The following LRRFIP1 variants were observed in gnomAD, a reference collection of about 807,000 sequenced individuals.
The protein encoded by LRRFIP1 is LRR binding FLII interacting protein 1.
Under a neutral mutation model 104.4 loss-of-function variants are expected in LRRFIP1, and 62 were observed. That is an observed-to-expected ratio of 0.59 (90% CI 0.48 to 0.73). LRRFIP1 has a LOEUF of 0.73. Ranked by LOEUF, LRRFIP1 falls within the 30% of genes least tolerant of loss-of-function variation. LRRFIP1 has a pLI of 0.00. For synonymous variants in LRRFIP1, 300 were observed against 299.0 expected (o/e 1.00, Z -0.03); for missense variants, 796 against 824.5 (o/e 0.97, Z 0.42).
intron 1 of LRRFIP1, among the ~76,000 whole-genome samples, chr2:237,693,281 G>A (rs2092940426): frequency 6.6e-6 from 1 of 152,226 alleles, no homozygotes; most frequent in Non-Finnish European, 1.5e-5. Context: ...GTGGGATCTT[G>A]GTAAAAGTAT....
chr2:237,659,260 AT>A (rs58381606), intron 1 of LRRFIP1, among the ~76,000 whole-genome samples: 1 of 150,972 alleles, frequency 6.6e-6, no homozygotes. Flanking sequence ...CACTCGGCAA[AT>A]TTTTTTTTAT....
At chr2:237,743,042 A>C (rs59791790) in intron 11 of LRRFIP1, among the ~76,000 whole-genome samples, 3,376 of 152,052 alleles carry the variant, frequency 0.022, 141 homozygotes, top group African/African-American at 0.077. Context: ...CAAAAAAAAA[A>C]CATATGGTTA....
intron 1 of LRRFIP1, among the ~76,000 whole-genome samples, chr2:237,646,543 A>G (rs1259517072): frequency 6.6e-6 from 1 of 151,994 alleles, no homozygotes; most frequent in African/African-American, 2.4e-5. Context: ...TTGCCCCCAC[A>G]AGCCCGCATT....
At position 237,649,378 on chromosome 2, in the gene LRRFIP1, A is replaced by G. The variant is rs1408854836; in HGVS notation, c.96+21638A>G. Among the ~76,000 whole-genome samples, 3 of 151,962 alleles carry G rather than the reference A, an allele frequency of 2.0e-5. No individual in the cohort carries two copies. Among genetic ancestry groups the G allele is most frequent in the African/African-American group, 7.2e-5 (3 of 41,438 alleles). Reference sequence around the variant, plus strand: ...AACCCCATCTCTACTAAAAACACAAAAAATTAGCCAGGCATAGTGGTGGGT... The same window carrying G: ...AACCCCATCTCTACTAAAAACACAAGAAATTAGCCAGGCATAGTGGTGGGT... On this transcript the variant is annotated intron_variant, in intron 1 of 23. Transcript: ENST00000308482. This position sits in a 1 kb window ranked among gnomAD's most constrained non-coding sequence, Gnocchi z 4.1.
chr2:237,692,469 C>T (rs1250094715), intron 1 of LRRFIP1: 5 of 1,531,640 alleles, frequency 3.3e-6, no homozygotes, highest in Non-Finnish European at 4.4e-6. Context: ...ACCAGCCCCG[C>T]GGCCGCTCAA....
intron 19 of LRRFIP1, chr2:237,763,182 A>G: frequency 6.2e-7 from 1 of 1,614,238 alleles, no homozygotes; most frequent in Non-Finnish European, 8.5e-7. Flanking sequence ...GTTCCAGCGC[A>G]CAGTACAGAA....
In LRRFIP1 at chr2:237,761,386, G is replaced by A. The variant is rs561488287; in HGVS notation, c.1459+1181G>A. ...GATAGGTATGTAGTATCTATATACC[G>A]TTGTTGAGAAAAGATAAATTAATCA... is the stretch of plus-strand genomic sequence containing the variant. On this transcript the variant is annotated intron_variant, in intron 19 of 23. Coordinates refer to ENST00000308482, the MANE Select transcript of LRRFIP1 (RefSeq NM_001137550.2). Among the ~76,000 whole-genome samples, 8 of 152,284 alleles carry A rather than the reference G, an allele frequency of 5.3e-5. No homozygotes were observed. In the South Asian group the frequency reaches 1.2e-3, roughly 24 times the overall value.
In LRRFIP1 at chr2:237,760,158, C is replaced by T. The variant is rs2059707022; in HGVS notation, c.1412C>T (p.Thr471Ile). 1.2e-6 allele frequency: 2 copies of T among 1,613,958 alleles called. No homozygotes were observed. Among genetic ancestry groups the T allele is most frequent in the Non-Finnish European group, 1.7e-6 (2 of 1,179,994 alleles). The change falls in exon 19 of 24, where the codon ACA (threonine) becomes ATA (isoleucine). Residue 471 changes from threonine to isoleucine, a missense_variant. Physicochemically the swap from Thr to Ile is moderately conservative, Grantham distance 89. Transcript: ENST00000308482. Reference sequence around the variant, plus strand: ...GGATACCAAGGTCCTACCAAGATGACAAAAGAAGAGTTAAATGCCCTCAAG... The same window carrying T: ...GGATACCAAGGTCCTACCAAGATGATAAAAGAAGAGTTAAATGCCCTCAAG... ...NVGYQGPTKM[T>I]KEELNALKST... is the part of the protein sequence containing the mutation.
At chr2:237,733,538 C>G (rs1257411282) in intron 8 of LRRFIP1, among the ~76,000 whole-genome samples, 1 of 152,186 alleles carries the variant, frequency 6.6e-6, no homozygotes, top group Non-Finnish European at 1.5e-5. Flanking sequence ...TTTAAAGATG[C>G]TGGGAAGTTT....
At chr2:237,688,821 T>G (rs2092577788) in intron 1 of LRRFIP1, among the ~76,000 whole-genome samples, 2 of 151,878 alleles carry the variant, frequency 1.3e-5, no homozygotes, top group African/African-American at 4.8e-5. Flanking sequence ...CAAGGTGCCC[T>G]CGGGGTTTTA....
chr2:237,693,670 G>A (rs1032036384), intron 1 of LRRFIP1, among the ~76,000 whole-genome samples: 1 of 152,154 alleles, frequency 6.6e-6, no homozygotes, highest in Non-Finnish European at 1.5e-5. Context: ...GTGGTTGAGC[G>A]GTGCCAGTGT....
intron 8 of LRRFIP1, among the ~76,000 whole-genome samples, chr2:237,732,843 G>T (rs2095071633): frequency 6.6e-6 from 1 of 152,188 alleles, no homozygotes; most frequent in South Asian, 2.1e-4. Context: ...CTGAGAAGTG[G>T]ACAGAACAGT....
At chr2:237,696,325 C>T (rs764617631) in intron 1 of LRRFIP1, among the ~76,000 whole-genome samples, 1 of 152,128 alleles carries the variant, frequency 6.6e-6, no homozygotes, top group Non-Finnish European at 1.5e-5. Flanking sequence ...TGGGCTTTCC[C>T]TGTGGGTTGA....
chr2:237,770,100 A>G, intron 20 of LRRFIP1, 108 bp downstream of exon 20: 1 of 866,240 alleles, frequency 1.2e-6, no homozygotes, highest in Non-Finnish European at 1.9e-6. Flanking sequence ...ATCATGTCTG[A>G]AAGTCTTTAT....
rs1206497598 is a variant in LRRFIP1 at position 237,674,638 on chromosome 2, C to G, written c.97-33906C>G. Reference sequence around the variant, plus strand: ...CTTAACCTTGGGTCCAAGAATTCCCCCAGGGGCCTTTGGATAGATTTCCAG... The same window carrying G: ...CTTAACCTTGGGTCCAAGAATTCCCGCAGGGGCCTTTGGATAGATTTCCAG... On this transcript the variant is annotated intron_variant, in intron 1 of 23. Coordinates refer to ENST00000308482, the MANE Select transcript of LRRFIP1 (RefSeq NM_001137550.2). 2.6e-5 allele frequency among the ~76,000 whole-genome samples: 4 copies of G among 152,188 alleles called. No homozygotes were observed. The South Asian group carries it at 8.3e-4, about 31-fold the overall frequency.
chr2:237,637,364 G>A (rs866496252), intron 1 of LRRFIP1, among the ~76,000 whole-genome samples: 3 of 152,096 alleles, frequency 2.0e-5, no homozygotes, highest in Admixed American at 1.3e-4. Context: ...GCTACTCGGG[G>A]GGCTGAGGCA....
At chr2:237,757,932 C>A (rs577374237) in intron 17 of LRRFIP1, among the ~76,000 whole-genome samples, 19 of 151,496 alleles carry the variant, frequency 1.3e-4, no homozygotes, top group African/African-American at 4.6e-4. Context: ...GAAAAAAAAT[C>A]TAAGCACCAC....
At chr2:237,773,687 A>T (rs2060843608) in intron 22 of LRRFIP1, among the ~76,000 whole-genome samples, 1 of 152,046 alleles carries the variant, frequency 6.6e-6, no homozygotes, top group Non-Finnish European at 1.5e-5. Flanking sequence ...TGCCTCTAGC[A>T]CCCTGGGCCC....
At chr2:237,656,963 T>C (rs907303904) in intron 1 of LRRFIP1, among the ~76,000 whole-genome samples, 6 of 152,250 alleles carry the variant, frequency 3.9e-5, no homozygotes, top group African/African-American at 1.4e-4. Context: ...TAATTCATGA[T>C]AGAAAACCAC....
Sources: gnomAD v4.1 joint callset for allele counts (sites outside exome capture counted in the v4.1 genomes callset) on GRCh38, gnomAD v4.1.1 for gene constraint, Gnocchi (gnomAD v3.1) non-coding constraint, MANE v1.5 for transcripts, NCBI Gene and HGNC (gene_info 2026-07-23, HGNC 2026-07-21) for gene names.